Variants in CNTN3 observed in about 807,000 individuals in gnomAD.
CNTN3 encodes contactin 3.
In CNTN3, 60 loss-of-function variants were observed where a neutral mutation model predicts 119.1. The ratio of observed to expected loss-of-function variants is 0.50; its 90% CI spans 0.41 to 0.62. The LOEUF is 0.62. Ranked by LOEUF, CNTN3 falls within the 20% of genes least tolerant of loss-of-function variation. CNTN3 has a pLI of 0.00. For synonymous variants in CNTN3, 450 were observed against 438.7 expected, an observed-to-expected ratio of 1.03 and a Z score of -0.32; for missense variants, 1,101 against 1,242.4, an observed-to-expected ratio of 0.89 and a Z score of 1.71.
rs567657606 is a variant in CNTN3 at position 74,467,513 on chromosome 3, G to A, written c.358+18943C>T. 1.6e-4 allele frequency among the ~76,000 whole-genome samples: 25 copies of A among 152,216 alleles called. No individual in the cohort carries two copies. In the South Asian group the frequency reaches 5.2e-3, roughly 32 times the overall value. ...CATTAAACCAGGACTCAATTAAATA[G>A]ATGCTCACACAGAAGAAGAAATTAC... On this transcript the variant is annotated intron_variant, in intron 4 of 22. Coordinates refer to ENST00000263665, the MANE Select transcript of CNTN3 (RefSeq NM_020872.3).
At chr3:74,303,961 A>C (rs1276615727) in intron 13 of CNTN3, among the ~76,000 whole-genome samples, 2 of 152,222 alleles carry the variant, frequency 1.3e-5, no homozygotes, top group Non-Finnish European at 1.5e-5. Flanking sequence ...GAACTGGTAA[A>C]GAGAAAGAAG....
intron 11 of CNTN3, among the ~76,000 whole-genome samples, chr3:74,352,187 GCTT>G (rs757341411): frequency 1.3e-5 from 2 of 152,158 alleles, no homozygotes; most frequent in Non-Finnish European, 2.9e-5. Flanking sequence ...ACCCAGTTTT[GCTT>G]CTTACCTGTG....
intron 1 of CNTN3, among the ~76,000 whole-genome samples, chr3:74,552,734 C>T (rs75200061): frequency 0.071 from 10,768 of 152,056 alleles, 409 homozygotes; most frequent in Admixed American, 0.095. Context: ...ATCATGGGGC[C>T]GGTTTCCCCC....
At position 74,285,291 on chromosome 3, in the gene CNTN3, C is replaced by A; in HGVS notation, c.2704+14G>T. On this transcript the variant is annotated intron_variant, in intron 20 of 22. Coordinates refer to ENST00000263665, the MANE Select transcript of CNTN3 (RefSeq NM_020872.3). The stretch of plus-strand genomic sequence containing the variant: ...TATTTTCCGTACCATTCAAAGAAAT[C>A]AGAATATACTTACGCGTTTTCTTGG... 3.2e-6 allele frequency: 5 copies of A among 1,584,514 alleles called. No individual in the cohort carries two copies. The South Asian group carries it at 3.4e-5, about 11-fold the overall frequency.
chr3:74,374,335 C>A (rs1575669311), intron 5 of CNTN3, among the ~76,000 whole-genome samples: 1 of 151,544 alleles, frequency 6.6e-6, no homozygotes, highest in East Asian at 1.9e-4. Flanking sequence ...TAAGTCTGAT[C>A]CTTTAGTCCC....
intron 11 of CNTN3, among the ~76,000 whole-genome samples, chr3:74,357,312 T>C (rs1703959918): frequency 6.7e-6 from 1 of 148,682 alleles, no homozygotes; most frequent in African/African-American, 2.5e-5. Context: ...AGAAGGAGTT[T>C]CCCTCTTGTT....
At chr3:74,461,125 CT>C (rs371137296) in intron 4 of CNTN3, among the ~76,000 whole-genome samples, 8 of 151,896 alleles carry the variant, frequency 5.3e-5, no homozygotes, top group Non-Finnish European at 1.0e-4. Context: ...TTTTCTTTCC[CT>C]CGCTGATATG....
intron 1 of CNTN3, among the ~76,000 whole-genome samples, chr3:74,593,805 C>T (rs1481785141): frequency 6.6e-6 from 1 of 151,952 alleles, no homozygotes; most frequent in Non-Finnish European, 1.5e-5. Context: ...AGGAAGCCCA[C>T]TGTGTGAGAA....
intron 13 of CNTN3, among the ~76,000 whole-genome samples, chr3:74,308,839 G>A (rs116591895): frequency 6.6e-6 from 1 of 151,702 alleles, no homozygotes; most frequent in Non-Finnish European, 1.5e-5. Context: ...ACTTAATGTG[G>A]GAATTGACAT....
chr3:74,504,991 GAGA>G (rs1703229154), intron 2 of CNTN3, among the ~76,000 whole-genome samples: 1 of 152,108 alleles, frequency 6.6e-6, no homozygotes, highest in African/African-American at 2.4e-5. Context: ...AGGGTTGTGA[GAGA>G]AGGATCTGTT....
chr3:74,333,676 T>G (rs374324808), intron 13 of CNTN3, among the ~76,000 whole-genome samples: 1 of 151,344 alleles, frequency 6.6e-6, no homozygotes, highest in South Asian at 2.1e-4. Flanking sequence ...TAAGGTCACA[T>G]TCTGAGGTAT....
intron 11 of CNTN3, among the ~76,000 whole-genome samples, chr3:74,337,591 G>GT (rs1369614940): frequency 6.6e-6 from 1 of 151,992 alleles, no homozygotes; most frequent in East Asian, 1.9e-4. Context: ...AGTGAAAGGG[G>GT]TTCCCCTTAT....
chr3:74,393,073 G>A (rs1704955021), intron 5 of CNTN3, among the ~76,000 whole-genome samples: 3 of 151,890 alleles, frequency 2.0e-5, no homozygotes, highest in Admixed American at 2.0e-4. Context: ...TTCTAACTTG[G>A]GTACAACACT....
At chr3:74,318,293 T>C (rs1190814059) in intron 13 of CNTN3, among the ~76,000 whole-genome samples, 3 of 152,204 alleles carry the variant, frequency 2.0e-5, no homozygotes, top group Non-Finnish European at 1.5e-5. Flanking sequence ...TTTCCTCCTG[T>C]AGCTCAGAGT....
At chr3:74,527,266 T>G (rs1703633625) in intron 1 of CNTN3, among the ~76,000 whole-genome samples, 1 of 151,976 alleles carries the variant, frequency 6.6e-6, no homozygotes, top group Non-Finnish European at 1.5e-5. Flanking sequence ...CAAATAAGTT[T>G]AAATAATGAG....
At chr3:74,319,538 T>A (rs1282666917) in intron 13 of CNTN3, among the ~76,000 whole-genome samples, 1 of 152,104 alleles carries the variant, frequency 6.6e-6, no homozygotes, top group African/African-American at 2.4e-5. Context: ...AAGACTTACA[T>A]GTTAGACCTA....
At chr3:74,405,129 A>G (rs1008974536) in intron 5 of CNTN3, among the ~76,000 whole-genome samples, 1 of 152,082 alleles carries the variant, frequency 6.6e-6, no homozygotes, top group Admixed American at 6.6e-5. Context: ...TTATCCTTAC[A>G]CTAAAAATGT....
intron 5 of CNTN3, among the ~76,000 whole-genome samples, chr3:74,412,243 C>A (rs1032851477): frequency 5.9e-5 from 9 of 152,136 alleles, no homozygotes; most frequent in African/African-American, 2.2e-4. Context: ...TAGATTTCCC[C>A]TACTCTGTTG....
At chr3:74,447,722 A>C (rs1420711681) in intron 4 of CNTN3, among the ~76,000 whole-genome samples, 3 of 152,152 alleles carry the variant, frequency 2.0e-5, no homozygotes, top group East Asian at 3.9e-4. Flanking sequence ...ACACAGGACA[A>C]ATGACATAAT....
Sources: allele counts gnomAD v4.1 joint callset (sites outside exome capture counted in the v4.1 genomes callset), GRCh38; gene constraint gnomAD v4.1.1; transcripts MANE v1.5; gene names NCBI Gene and HGNC (gene_info 2026-07-23, HGNC 2026-07-21).